Variants in CFAP299 observed in about 807,000 individuals in gnomAD.
The protein encoded by CFAP299 is cilia and flagella associated protein 299.
CFAP299 carries 21 observed loss-of-function variants against 27.0 expected under a neutral mutation model. The observed-to-expected ratio is 0.78, with a 90% CI of 0.55 to 1.12. The LOEUF is 1.12. Among genes scored for constraint, CFAP299 ranks in the 50% most tolerant of loss-of-function variants. CFAP299 has a pLI of 0.00. For missense variants in CFAP299, 310 were observed against 276.6 expected (o/e 1.12, Z -0.86); for synonymous variants, 104 against 98.1 (o/e 1.06, Z -0.36).
chr4:80,415,610 A>C (rs1403699720), intron 2 of CFAP299, among the ~76,000 whole-genome samples: 1 of 152,142 alleles, frequency 6.6e-6, no homozygotes, highest in Non-Finnish European at 1.5e-5. Flanking sequence ...TTGTAAAAAA[A>C]GTTAATGTAT....
At position 80,710,500 on chromosome 4, in the gene CFAP299, TAAA is replaced by T. The variant is rs5859733; in HGVS notation, c.333+127326_333+127328del. ...TTCTTTTTCTTTTTTTTTTTTTTTT[TAAA>T]AAAAAAAAGGTAAGTTGGAATATCA... On this transcript the variant is annotated intron_variant, in intron 3 of 5. Transcript: ENST00000358105. Among the ~76,000 whole-genome samples, 4 of 112,060 alleles carry T rather than the reference TAAA, an allele frequency of 3.6e-5. No homozygotes were observed. In the East Asian group the frequency reaches 7.5e-4, roughly 21 times the overall value. 73.5% of individuals were successfully genotyped at this position (112,060 alleles called of 152,430 possible). A position where few individuals can be genotyped will look rare whatever the true frequency, so the allele number is the denominator to read the frequency against.
At chr4:80,514,654 AT>A (rs1484852228) in intron 2 of CFAP299, among the ~76,000 whole-genome samples, 1 of 152,034 alleles carries the variant, frequency 6.6e-6, no homozygotes, top group African/African-American at 2.4e-5. Context: ...TTACTAACAC[AT>A]CTTTGTTTAC....
intron 4 of CFAP299, among the ~76,000 whole-genome samples, chr4:80,906,008 G>A (rs144297984): frequency 3.4e-4 from 52 of 152,252 alleles, no homozygotes; most frequent in African/African-American, 1.1e-3. Context: ...TAAACCAAAT[G>A]TCCAAGTCCA....
In CFAP299 at chr4:80,582,514, G is replaced by T. The variant is rs539908549; in HGVS notation, c.243-579G>T. ...TCACTCTTGAACTCACTATTATGTG[G>T]TTCAGTTTTGCTTGATTGAGATCTT... On this transcript the variant is annotated intron_variant, in intron 2 of 5. Transcript: ENST00000358105. Among the ~76,000 whole-genome samples, 111 of 151,882 alleles carry T rather than the reference G, an allele frequency of 7.3e-4. 1 individual carries two copies. Among genetic ancestry groups the T allele is most frequent in the African/African-American group, 2.6e-3 (107 of 41,504 alleles).
At chr4:80,855,167 A>G (rs981261078) in intron 3 of CFAP299, among the ~76,000 whole-genome samples, 3 of 152,184 alleles carry the variant, frequency 2.0e-5, no homozygotes, top group South Asian at 2.1e-4. Context: ...TGTTTTAGAA[A>G]TTTAGAAAAT....
intron 3 of CFAP299, among the ~76,000 whole-genome samples, chr4:80,827,703 G>A (rs2110128913): frequency 6.6e-6 from 1 of 151,812 alleles, no homozygotes; most frequent in East Asian, 1.9e-4. Context: ...CCTGGTCAAA[G>A]CAATTAAACA....
intron 3 of CFAP299, among the ~76,000 whole-genome samples, chr4:80,720,135 A>G (rs1293598792): frequency 1.3e-5 from 2 of 152,134 alleles, no homozygotes; most frequent in African/African-American, 4.8e-5. Context: ...GGTCACTGAG[A>G]AATATGCTTG....
chr4:80,867,685 T>A (rs940757543), intron 3 of CFAP299, among the ~76,000 whole-genome samples: 1 of 152,174 alleles, frequency 6.6e-6, no homozygotes, highest in Non-Finnish European at 1.5e-5. Flanking sequence ...CACCCTGGCA[T>A]CTCTCTGTGT....
At position 80,346,113 on chromosome 4, in the gene CFAP299, A is replaced by G. The variant is rs180755889; in HGVS notation, c.111+10234A>G. Among the ~76,000 whole-genome samples, 412 of 152,012 alleles carry G rather than the reference A, an allele frequency of 2.7e-3. 3 individuals carry two copies. Among genetic ancestry groups the G allele is most frequent in the Non-Finnish European group, 1.9e-3 (132 of 67,986 alleles). ...GCTCATATCCTTTGTCCACTTTTTGATGGGGTTGTTTGATTTTTTCTTGAA... is the reference window on the plus strand; with the variant it reads ...GCTCATATCCTTTGTCCACTTTTTGGTGGGGTTGTTTGATTTTTTCTTGAA... On this transcript the variant is annotated intron_variant, in intron 1 of 5. Transcript: ENST00000358105.
intron 3 of CFAP299, among the ~76,000 whole-genome samples, chr4:80,751,820 G>A (rs1724942221): frequency 6.6e-6 from 1 of 152,158 alleles, no homozygotes; most frequent in African/African-American, 2.4e-5. Context: ...CTGAGCCAGT[G>A]GTTTTTAACT....
chr4:80,753,561 A>G (rs192274853), intron 3 of CFAP299, among the ~76,000 whole-genome samples: 1 of 152,086 alleles, frequency 6.6e-6, no homozygotes, highest in Admixed American at 6.5e-5. Flanking sequence ...TCAGCCATTT[A>G]TTTCTTCAAA....
At chr4:80,449,068 C>A (rs1227355960) in intron 2 of CFAP299, among the ~76,000 whole-genome samples, 3 of 152,124 alleles carry the variant, frequency 2.0e-5, no homozygotes, top group Non-Finnish European at 2.9e-5. Flanking sequence ...ACAAATTATA[C>A]CAAATACTTT....
chr4:80,696,034 G>T lies in CFAP299; in HGVS notation c.333+112851G>T, dbSNP rs1200911994. On this transcript the variant is annotated intron_variant, in intron 3 of 5. Transcript: ENST00000358105. ...AGAGAAGTAGAGGCCGGGTGTGGTG[G>T]CTCACACCTGTAATCCCAGCACTTT... 3.3e-5 allele frequency among the ~76,000 whole-genome samples: 5 copies of T among 152,032 alleles called. No individual in the cohort carries two copies. The East Asian group carries it at 9.6e-4, about 29-fold the overall frequency.
chr4:80,667,842 G>C (rs778847512), intron 3 of CFAP299, among the ~76,000 whole-genome samples: 1 of 152,062 alleles, frequency 6.6e-6, no homozygotes, highest in Non-Finnish European at 1.5e-5. Flanking sequence ...ATACTCAGTA[G>C]TGTAATTGCT....
intron 2 of CFAP299, among the ~76,000 whole-genome samples, chr4:80,469,004 A>G (rs1214620775): frequency 6.6e-6 from 1 of 152,100 alleles, no homozygotes; most frequent in East Asian, 1.9e-4. Flanking sequence ...AGAGACCTAC[A>G]TTGCCAAATA....
intron 2 of CFAP299, 22 bp downstream of exon 2, chr4:80,362,906 C>T: frequency 6.3e-7 from 1 of 1,591,216 alleles, no homozygotes; most frequent in Non-Finnish European, 8.5e-7. Flanking sequence ...TGTTCCAAAT[C>T]CAGATTTTAT....
chr4:80,324,369 T>C, the CFAP299 span, among the ~76,000 whole-genome samples: 2 of 152,202 alleles, frequency 1.3e-5, no homozygotes, highest in Admixed American at 1.3e-4. Flanking sequence ...CTGCAATCAA[T>C]TTTTATTGTC....
intron 3 of CFAP299, among the ~76,000 whole-genome samples, chr4:80,779,223 T>C (rs1319822466): frequency 1.3e-5 from 2 of 152,142 alleles, no homozygotes; most frequent in Non-Finnish European, 2.9e-5. Context: ...TTAATCTCTA[T>C]GCTGCACTCT....
intron 4 of CFAP299, among the ~76,000 whole-genome samples, chr4:80,942,936 G>A (rs578023068): frequency 8.5e-5 from 13 of 152,232 alleles, no homozygotes; most frequent in East Asian, 3.9e-4. Context: ...TCCAGCTTGC[G>A]TAGATAGTCA....
Sources: allele counts gnomAD v4.1 joint callset (sites outside exome capture counted in the v4.1 genomes callset), GRCh38; gene constraint gnomAD v4.1.1; transcripts MANE v1.5; gene names NCBI Gene and HGNC (gene_info 2026-07-23, HGNC 2026-07-21).